The following CDK14 variants were observed in gnomAD, a reference collection of about 807,000 sequenced individuals.
CDK14 encodes cyclin-dependent kinase 14.
In CDK14, 34 loss-of-function variants were observed where a neutral mutation model predicts 60.7. The ratio of observed to expected loss-of-function variants is 0.56; its 90% CI spans 0.43 to 0.75. CDK14 has a LOEUF of 0.75. Among genes scored for constraint, CDK14 ranks in the 30% least tolerant of loss-of-function variants. The pLI is 0.00. For missense variants in CDK14, 482 were observed against 564.1 expected (o/e 0.85, Z 1.47); for synonymous variants, 197 against 203.7 (o/e 0.97, Z 0.28).
chr7:90,909,069 A>G (rs1187342387), intron 7 of CDK14, among the ~76,000 whole-genome samples: 1 of 152,172 alleles, frequency 6.6e-6, no homozygotes, highest in Admixed American at 6.6e-5. Context: ...TTCATTTTGT[A>G]TAAAAAAGAA....
At chr7:91,147,170 A>T (rs62470813) in intron 14 of CDK14, among the ~76,000 whole-genome samples, 57,823 of 99,004 alleles carry the variant, frequency 0.58, 17,067 homozygotes, top group Non-Finnish European at 0.69. Flanking sequence ...TCTCACACAC[A>T]CACACACACA....
intron 2 of CDK14, among the ~76,000 whole-genome samples, chr7:90,605,202 T>C (rs1799392538): frequency 2.0e-5 from 3 of 152,346 alleles, no homozygotes; most frequent in Non-Finnish European, 4.4e-5. Flanking sequence ...GCCATGTGGC[T>C]GGCTGTGGTG....
chr7:90,626,354 C>A (rs1040158397), intron 2 of CDK14, among the ~76,000 whole-genome samples: 1 of 152,096 alleles, frequency 6.6e-6, no homozygotes, highest in African/African-American at 2.4e-5. Context: ...AATTTAGAGA[C>A]CCTCAGGCAG....
chr7:91,029,675 G>T (rs2115928652), intron 10 of CDK14, among the ~76,000 whole-genome samples: 1 of 149,060 alleles, frequency 6.7e-6, no homozygotes, highest in Non-Finnish European at 1.5e-5. Context: ...TTATAAATGG[G>T]AGTGAGTTCT....
At chr7:90,695,031 T>C (rs1801626419) in intron 2 of CDK14, among the ~76,000 whole-genome samples, 1 of 152,216 alleles carries the variant, frequency 6.6e-6, no homozygotes. Flanking sequence ...TTTTGATTGC[T>C]GTTTCCCTGC....
At chr7:91,144,530 A>G (rs1800565705) in intron 14 of CDK14, among the ~76,000 whole-genome samples, 1 of 152,136 alleles carries the variant, frequency 6.6e-6, no homozygotes, top group Non-Finnish European at 1.5e-5. Context: ...GACCATTTTT[A>G]ATAGATTCAG....
intron 2 of CDK14, among the ~76,000 whole-genome samples, chr7:90,700,654 T>G (rs1001763262): frequency 2.0e-5 from 3 of 152,192 alleles, no homozygotes; most frequent in African/African-American, 7.2e-5. Context: ...TGCCAGTCTG[T>G]GGATATACAT....
chr7:91,012,570 T>C (rs1796193064), intron 10 of CDK14, among the ~76,000 whole-genome samples: 1 of 152,180 alleles, frequency 6.6e-6, no homozygotes, highest in African/African-American at 2.4e-5. Flanking sequence ...GGCAGCAAAT[T>C]GGAGCAATCA....
intron 7 of CDK14, among the ~76,000 whole-genome samples, chr7:90,909,789 CTCA>C (rs1298043675): frequency 8.6e-5 from 13 of 151,412 alleles, no homozygotes; most frequent in African/African-American, 3.2e-4. Context: ...CCAGAAAGTT[CTCA>C]TCTTTAGGAA....
At chr7:91,110,141 C>T (rs190037248) in intron 12 of CDK14, among the ~76,000 whole-genome samples, 86 of 151,572 alleles carry the variant, frequency 5.7e-4, no homozygotes, top group Admixed American at 2.1e-3. Flanking sequence ...TTAGGTAGAC[C>T]GAAAAAAGAG....
At chr7:90,635,577 A>G (rs898151518) in intron 2 of CDK14, among the ~76,000 whole-genome samples, 1 of 152,200 alleles carries the variant, frequency 6.6e-6, no homozygotes, top group Admixed American at 6.5e-5. Flanking sequence ...TGATGCCTCC[A>G]GCTTTGTTCT....
intron 2 of CDK14, among the ~76,000 whole-genome samples, chr7:90,621,613 T>TTCC (rs1799767236): frequency 5.1e-4 from 65 of 128,346 alleles, no homozygotes; most frequent in African/African-American, 1.9e-3. Context: ...TCAGACTTTT[T>TTCC]TTCCTTCCTT....
chr7:91,002,132 A>G (rs1444030769), intron 10 of CDK14, among the ~76,000 whole-genome samples: 1 of 152,184 alleles, frequency 6.6e-6, no homozygotes, highest in Non-Finnish European at 1.5e-5. Context: ...AATAAAAAAC[A>G]TATTAGTGTA....
intron 4 of CDK14, among the ~76,000 whole-genome samples, chr7:90,790,013 A>G (rs531822031): frequency 6.6e-6 from 1 of 152,122 alleles, no homozygotes; most frequent in South Asian, 2.1e-4. Flanking sequence ...TTGATGACAT[A>G]CTGTAATATA....
intron 3 of CDK14, among the ~76,000 whole-genome samples, chr7:90,738,097 T>G (rs1338673601): frequency 6.7e-6 from 1 of 149,914 alleles, no homozygotes; most frequent in East Asian, 1.9e-4. Flanking sequence ...TTCCTCTATG[T>G]GGGTGAGGGT....
intron 7 of CDK14, among the ~76,000 whole-genome samples, chr7:90,901,437 A>C (rs1363840842): frequency 1.3e-5 from 2 of 152,162 alleles, no homozygotes; most frequent in Non-Finnish European, 1.5e-5. Flanking sequence ...TTTCTAAAAA[A>C]AATGTGATGT....
chr7:91,054,349 A>G (rs1259256001), intron 11 of CDK14, among the ~76,000 whole-genome samples: 2 of 152,078 alleles, frequency 1.3e-5, no homozygotes, highest in Non-Finnish European at 2.9e-5. Context: ...GGTCTGCTTG[A>G]CACAAGCCTT....
intron 4 of CDK14, among the ~76,000 whole-genome samples, chr7:90,758,800 T>C (rs1804191568): frequency 6.6e-6 from 1 of 152,224 alleles, no homozygotes; most frequent in Admixed American, 6.5e-5. Context: ...TCGTGCCTGC[T>C]ATCCCAGCAC....
At chr7:91,072,541 A>G (rs1464776844) in intron 11 of CDK14, among the ~76,000 whole-genome samples, 1 of 152,202 alleles carries the variant, frequency 6.6e-6, no homozygotes, top group East Asian at 1.9e-4. Flanking sequence ...TCAAAGATTG[A>G]CACTAGACAA....
Sources: gnomAD v4.1 joint callset for allele counts (sites outside exome capture counted in the v4.1 genomes callset) on GRCh38, gnomAD v4.1.1 for gene constraint, MANE v1.5 for transcripts, NCBI Gene and HGNC (gene_info 2026-07-23, HGNC 2026-07-21) for gene names.